Variants in PTPRR observed in about 807,000 individuals in gnomAD.
The protein encoded by PTPRR is receptor-type tyrosine-protein phosphatase R.
PTPRR carries 38 observed loss-of-function variants against 77.2 expected under a neutral mutation model. That is an observed-to-expected ratio of 0.49 (90% CI 0.38 to 0.65). The LOEUF (loss-of-function observed/expected upper bound fraction) is 0.65. Among genes scored for constraint, PTPRR ranks in the 30% least tolerant of loss-of-function variants. The pLI is 0.00. For missense variants in PTPRR, 744 were observed against 799.2 expected, an observed-to-expected ratio of 0.93 and a Z score of 0.83; for synonymous variants, 299 against 283.1, an observed-to-expected ratio of 1.06 and a Z score of -0.57.
intron 2 of PTPRR, among the ~76,000 whole-genome samples, chr12:70,821,490 G>A (rs1297789927): frequency 2.0e-5 from 3 of 151,966 alleles, no homozygotes; most frequent in Middle Eastern, 3.4e-3. Flanking sequence ...CTCTCAAAGT[G>A]CTGGGATTAC....
intron 6 of PTPRR, among the ~76,000 whole-genome samples, chr12:70,724,601 T>C (rs930348442): frequency 2.0e-5 from 3 of 152,176 alleles, no homozygotes; most frequent in African/African-American, 7.2e-5. Flanking sequence ...CAGCTTCCTC[T>C]GTGTTTCTGG....
At chr12:70,804,895 G>T (rs529970376) in intron 2 of PTPRR, among the ~76,000 whole-genome samples, 30 of 152,208 alleles carry the variant, frequency 2.0e-4, no homozygotes, top group Non-Finnish European at 3.8e-4. Context: ...TTTCCAGATT[G>T]CCCATTGTGA....
chr12:70,894,696 A>G (rs7310543), intron 1 of PTPRR, among the ~76,000 whole-genome samples: 8,901 of 151,802 alleles, frequency 0.059, 341 homozygotes, highest in Admixed American at 0.078. Context: ...AAACAGTGGT[A>G]AGAACAACAA....
At chr12:70,696,387 C>T (rs771273168) in intron 8 of PTPRR, among the ~76,000 whole-genome samples, 8 of 152,092 alleles carry the variant, frequency 5.3e-5, no homozygotes, top group Admixed American at 2.6e-4. Flanking sequence ...CATTGCTTGA[C>T]GTTAATAAAT....
At chr12:70,862,664 A>G (rs1177261910) in intron 2 of PTPRR, among the ~76,000 whole-genome samples, 1 of 151,578 alleles carries the variant, frequency 6.6e-6, no homozygotes, top group East Asian at 1.9e-4. Flanking sequence ...TGGGTGCAGC[A>G]CACCAGCATG....
At chr12:70,711,876 A>G (rs1888840050) in intron 6 of PTPRR, among the ~76,000 whole-genome samples, 1 of 152,170 alleles carries the variant, frequency 6.6e-6, no homozygotes, top group Non-Finnish European at 1.5e-5. Flanking sequence ...TGAACTCTCA[A>G]TCAAAATTAT....
intron 10 of PTPRR, among the ~76,000 whole-genome samples, chr12:70,682,234 G>C (rs58433873): frequency 0.062 from 9,288 of 150,858 alleles, 458 homozygotes; most frequent in East Asian, 0.16. Context: ...TAGTAGAGAC[G>C]GGGTTTCACC....
intron 2 of PTPRR, among the ~76,000 whole-genome samples, chr12:70,825,976 C>G (rs1029279111): frequency 1.3e-5 from 2 of 152,176 alleles, no homozygotes; most frequent in African/African-American, 4.8e-5. Context: ...AAGTCTTCAT[C>G]TCATGATTCA....
intron 2 of PTPRR, among the ~76,000 whole-genome samples, chr12:70,827,995 C>T (rs1892145140): frequency 6.6e-6 from 1 of 152,078 alleles, no homozygotes; most frequent in African/African-American, 2.4e-5. Context: ...GTTGGGATTA[C>T]AGGCGTGAGC....
intron 2 of PTPRR, among the ~76,000 whole-genome samples, chr12:70,851,898 T>A (rs1341419698): frequency 6.6e-6 from 1 of 152,204 alleles, no homozygotes; most frequent in Non-Finnish European, 1.5e-5. Flanking sequence ...CATTAACAAT[T>A]TCATTTTTTT....
chr12:70,673,130 A>C lies in PTPRR; in HGVS notation c.1498-10525T>G, dbSNP rs137870399. Among the ~76,000 whole-genome samples, 828 of 152,114 alleles carry C rather than the reference A, an allele frequency of 5.4e-3. 6 individuals are homozygous for C. The highest frequency in any genetic ancestry group is 0.015 in the South Asian group (74 of 4,818). On this transcript the variant is annotated intron_variant, in intron 10 of 13. Coordinates refer to ENST00000283228, the MANE Select transcript of PTPRR (RefSeq NM_002849.4). ...TCCTTGGTCTTGGAGAAGGAGGATG[A>C]GAGCAACCGTCTGCTGGGGCTTTGG...
At chr12:70,828,946 G>A (rs970167) in intron 2 of PTPRR, among the ~76,000 whole-genome samples, 33,039 of 152,046 alleles carry the variant, frequency 0.22, 6,050 homozygotes, top group African/African-American at 0.5. Context: ...ATTCCAGGCA[G>A]CAGGCAAGGT....
chr12:70,738,611 C>T (rs758654988), intron 6 of PTPRR, among the ~76,000 whole-genome samples: 2 of 152,210 alleles, frequency 1.3e-5, no homozygotes, highest in African/African-American at 2.4e-5. Context: ...GGAAAATGTG[C>T]AGAATCTTTC....
At chr12:70,917,390 C>T (rs1381389950) in intron 1 of PTPRR, among the ~76,000 whole-genome samples, 5 of 152,168 alleles carry the variant, frequency 3.3e-5, no homozygotes, top group African/African-American at 1.2e-4. Flanking sequence ...TTTATCCCGA[C>T]TATGCTATTA....
intron 6 of PTPRR, among the ~76,000 whole-genome samples, chr12:70,725,040 T>A (rs1410200899): frequency 1.3e-5 from 2 of 152,254 alleles, no homozygotes; most frequent in East Asian, 3.9e-4. Context: ...CATGGCCTAT[T>A]CCACCTTCCT....
chr12:70,746,784 C>T (rs1032594289), intron 5 of PTPRR, among the ~76,000 whole-genome samples: 1 of 151,722 alleles, frequency 6.6e-6, no homozygotes, highest in Non-Finnish European at 1.5e-5. Flanking sequence ...CTCGAGCTCT[C>T]CTTAAGGGAA....
At chr12:70,681,471 T>C (rs1218330282) in intron 10 of PTPRR, among the ~76,000 whole-genome samples, 1 of 152,208 alleles carries the variant, frequency 6.6e-6, no homozygotes, top group African/African-American at 2.4e-5. Context: ...CTGGGGCCTC[T>C]TGCTTGCCTA....
Position 70,812,997 on chromosome 12 carries a change from G to A in PTPRR, c.358-48219C>T, listed in dbSNP as rs149881997. 6.3e-3 allele frequency among the ~76,000 whole-genome samples: 952 copies of A among 152,262 alleles called. 38 individuals carry two copies. The highest frequency in any genetic ancestry group is 0.048 in the Admixed American group (735 of 15,300). On this transcript the variant is annotated intron_variant, in intron 2 of 13. Coordinates refer to ENST00000283228, the MANE Select transcript of PTPRR (RefSeq NM_002849.4). ...ATTAGTTTTAACTTTTCAAATCTGA[G>A]AGAAAGAATTTTAGAACTCTCCGAC... is the stretch of plus-strand genomic sequence containing the variant.
At position 70,906,929 on chromosome 12, in the gene PTPRR, T is replaced by G. The variant is rs11613740; in HGVS notation, c.58+13404A>C. ...AGAACACTTCCAAGGCTGGTCCCAG[T>G]GCAGTGGTGTTTACAACTAATTGAT... is the stretch of plus-strand genomic sequence containing the variant. On this transcript the variant is annotated intron_variant, in intron 1 of 13. Coordinates refer to ENST00000283228, the MANE Select transcript of PTPRR (RefSeq NM_002849.4). 8.4e-3 allele frequency: 1,280 copies of G among 152,632 alleles called. 8 individuals are homozygous for G. Among genetic ancestry groups the G allele is most frequent in the South Asian group, 0.018 (89 of 4,830 alleles). The allele number at this position is 152,632 out of a possible 1,614,324, so 9.5% of individuals were successfully genotyped here.
Sources: gnomAD v4.1 joint callset for allele counts (sites outside exome capture counted in the v4.1 genomes callset) on GRCh38, gnomAD v4.1.1 for gene constraint, MANE v1.5 for transcripts, NCBI Gene and HGNC (gene_info 2026-07-23, HGNC 2026-07-21) for gene names.